The following PCDH9 variants were observed in gnomAD, a reference collection of about 807,000 sequenced individuals.
PCDH9 encodes protocadherin-9.
PCDH9 carries 24 observed loss-of-function variants against 70.6 expected under a neutral mutation model. The observed-to-expected ratio is 0.34, with a 90% CI of 0.25 to 0.48. The LOEUF (loss-of-function observed/expected upper bound fraction) is 0.48, where lower values mean the gene tolerates loss of function less well. Ranked by LOEUF, PCDH9 falls within the 20% of genes least tolerant of loss-of-function variation. The pLI is 0.99. For synonymous variants in PCDH9, 562 were observed against 558.5 expected, an observed-to-expected ratio of 1.01 and a Z score of -0.09; for missense variants, 1,281 against 1,503.6, an observed-to-expected ratio of 0.85 and a Z score of 2.45.
intron 2 of PCDH9, among the ~76,000 whole-genome samples, chr13:66,965,374 C>T (rs979809748): frequency 6.6e-6 from 1 of 152,036 alleles, no homozygotes; most frequent in Admixed American, 6.6e-5. Context: ...TTCCTCCAGG[C>T]ATTTCCCTTC....
chr13:67,156,126 C>G (rs1341957274), intron 2 of PCDH9, among the ~76,000 whole-genome samples: 1 of 152,016 alleles, frequency 6.6e-6, no homozygotes, highest in Non-Finnish European at 1.5e-5. Flanking sequence ...GCTCCACCCC[C>G]ACCGACCTAG....
intron 3 of PCDH9, among the ~76,000 whole-genome samples, chr13:66,687,455 AT>A (rs1397737431): frequency 6.6e-6 from 1 of 152,004 alleles, no homozygotes; most frequent in Non-Finnish European, 1.5e-5. Context: ...ATGACTTTGT[AT>A]GTTCTCAGAA....
intron 4 of PCDH9, among the ~76,000 whole-genome samples, chr13:66,468,278 C>A (rs1169294414): frequency 1.3e-5 from 2 of 152,040 alleles, no homozygotes; most frequent in Admixed American, 6.6e-5. Flanking sequence ...AACACCCCAT[C>A]TACCTTAAAA....
intron 2 of PCDH9, among the ~76,000 whole-genome samples, chr13:67,037,319 TG>T (rs1293248064): frequency 6.6e-6 from 1 of 152,218 alleles, no homozygotes; most frequent in Non-Finnish European, 1.5e-5. Flanking sequence ...TTTATGAACT[TG>T]GCTTCTTGAC....
intron 2 of PCDH9, among the ~76,000 whole-genome samples, chr13:66,971,152 C>G (rs930499208): frequency 6.6e-6 from 1 of 151,980 alleles, no homozygotes; most frequent in African/African-American, 2.4e-5. Context: ...TGCAGTTGTC[C>G]TCTAACACTC....
At chr13:67,000,886 C>T (rs1316168897) in intron 2 of PCDH9, among the ~76,000 whole-genome samples, 2 of 152,078 alleles carry the variant, frequency 1.3e-5, no homozygotes, top group African/African-American at 4.8e-5. Context: ...TATTACTTTC[C>T]TGATCCTTTT....
At chr13:66,991,412 T>C (rs1035989091) in intron 2 of PCDH9, among the ~76,000 whole-genome samples, 8 of 151,946 alleles carry the variant, frequency 5.3e-5, no homozygotes, top group Admixed American at 6.6e-5. Context: ...CTCCTATATA[T>C]GTTACCAAAA....
chr13:66,312,803 T>C (rs1046006420), intron 4 of PCDH9, among the ~76,000 whole-genome samples: 4 of 152,176 alleles, frequency 2.6e-5, no homozygotes, highest in Admixed American at 6.6e-5. Flanking sequence ...ACCACCAGGA[T>C]TGGACAAAAC....
intron 3 of PCDH9, among the ~76,000 whole-genome samples, chr13:66,727,297 C>T (rs1249541309): frequency 6.6e-6 from 1 of 152,000 alleles, no homozygotes; most frequent in Admixed American, 6.6e-5. Flanking sequence ...AAATTTTAAA[C>T]CCTTAATAAG....
At chr13:66,499,787 C>G (rs1318483334) in intron 4 of PCDH9, among the ~76,000 whole-genome samples, 1 of 152,180 alleles carries the variant, frequency 6.6e-6, no homozygotes, top group Admixed American at 6.5e-5. Flanking sequence ...GGTATTGGAT[C>G]ATGGAGATGG....
chr13:67,003,865 G>A (rs1252901847), intron 2 of PCDH9, among the ~76,000 whole-genome samples: 2 of 152,148 alleles, frequency 1.3e-5, no homozygotes, highest in Non-Finnish European at 2.9e-5. Context: ...TTAAAAAATA[G>A]TCTCCTTAAA....
intron 4 of PCDH9, among the ~76,000 whole-genome samples, chr13:66,436,918 CA>C (rs1004391880): frequency 4.9e-4 from 73 of 149,898 alleles, no homozygotes; most frequent in African/African-American, 1.3e-3. Flanking sequence ...TTGTGAGCTG[CA>C]AAAAAAAAGT....
At chr13:67,122,641 A>G in intron 2 of PCDH9, among the ~76,000 whole-genome samples, 1 of 151,698 alleles carries the variant, frequency 6.6e-6, no homozygotes, top group South Asian at 2.1e-4. Context: ...GGGTGTAGTG[A>G]TGCGTGCCTG....
intron 2 of PCDH9, among the ~76,000 whole-genome samples, chr13:66,997,234 G>A (rs1318717430): frequency 1.3e-5 from 2 of 152,176 alleles, no homozygotes; most frequent in Non-Finnish European, 1.5e-5. Context: ...CTACAGGCTG[G>A]ACAGGAAGCA....
intron 3 of PCDH9, among the ~76,000 whole-genome samples, chr13:66,844,276 C>T (rs2081166598): frequency 1.3e-5 from 2 of 152,054 alleles, no homozygotes; most frequent in South Asian, 4.1e-4. Flanking sequence ...CTCCCAAACA[C>T]TACAAACGGC....
intron 4 of PCDH9, among the ~76,000 whole-genome samples, chr13:66,524,443 T>C (rs1960129897): frequency 6.6e-6 from 1 of 152,066 alleles, no homozygotes; most frequent in African/African-American, 2.4e-5. Flanking sequence ...AATTTTAATG[T>C]GTAATTACAG....
chr13:67,013,032 T>C (rs900128570), intron 2 of PCDH9, among the ~76,000 whole-genome samples: 3 of 151,886 alleles, frequency 2.0e-5, no homozygotes, highest in African/African-American at 7.2e-5. Flanking sequence ...TCCATAAAAA[T>C]TGTGGCATAA....
At chr13:66,476,710 T>G (rs1958737910) in intron 4 of PCDH9, among the ~76,000 whole-genome samples, 1 of 152,008 alleles carries the variant, frequency 6.6e-6, no homozygotes, top group African/African-American at 2.4e-5. Flanking sequence ...CATATTCACC[T>G]AAGAAGGCAA....
At chr13:66,873,084 A>G (rs1260679297) in intron 3 of PCDH9, among the ~76,000 whole-genome samples, 12 of 152,134 alleles carry the variant, frequency 7.9e-5, no homozygotes, top group Admixed American at 4.6e-4. Flanking sequence ...ATTATAAAGC[A>G]TTCCTTTTCT....
Sources: gnomAD v4.1 joint callset for allele counts (sites outside exome capture counted in the v4.1 genomes callset) on GRCh38, gnomAD v4.1.1 for gene constraint, MANE v1.5 for transcripts, NCBI Gene and HGNC (gene_info 2026-07-23, HGNC 2026-07-21) for gene names.